VNN1: variants seen among roughly 807,000 people sequenced by gnomAD.
VNN1 encodes the protein pantetheinase.
In VNN1, 29 loss-of-function variants were observed where a neutral mutation model predicts 41.9. The observed-to-expected ratio is 0.69, with a 90% CI of 0.52 to 0.94. The LOEUF (loss-of-function observed/expected upper bound fraction) is 0.94, where lower values mean the gene tolerates loss of function less well. VNN1 is among the 40% of genes least tolerant of loss of function. The pLI, the probability that VNN1 is intolerant of heterozygous loss-of-function variation, is 0.00. For missense variants in VNN1, 637 were observed against 621.1 expected (o/e 1.03, Z -0.27); for synonymous variants, 233 against 224.4 (o/e 1.04, Z -0.34).
intron 6 of VNN1, 103 bp from the exon 7 acceptor site, chr6:132,683,425 GCCAAATTCCATTCTAT>G: frequency 1.6e-6 from 2 of 1,226,298 alleles, no homozygotes; most frequent in Non-Finnish European, 2.3e-6. Flanking sequence ...AAAAATACTG[GCCAAATTCCATTCTAT>G]CAGAAAAATT....
chr6:132,696,983 T>C (rs4897601), intron 2 of VNN1, among the ~76,000 whole-genome samples: 65,615 of 151,712 alleles, frequency 0.43, 15,301 homozygotes, highest in African/African-American at 0.59. Context: ...CAGGTGCCTG[T>C]AGTTCCAGCT....
At position 132,681,564 on chromosome 6, in the gene VNN1, G is replaced by A. The variant is rs1351113106; in HGVS notation, c.*1576C>T. On this transcript the variant is annotated 3_prime_UTR_variant, in exon 7 of 7. Transcript: ENST00000367928. ...AGGGAGACCTACTATAGTTGACAAC[G>A]TTGAGCAAAAAAGAAACACTTAGGA... 6 of 152,152 alleles carry A rather than the reference G, an allele frequency of 3.9e-5. No individual in the cohort carries two copies. The highest frequency in any genetic ancestry group is 1.2e-4 in the African/African-American group (5 of 41,408). 9.4% of individuals were successfully genotyped at this position (152,152 alleles called of 1,614,324 possible).
intron 3 of VNN1, 139 bp downstream of exon 3, chr6:132,693,851 C>A: frequency 6.9e-6 from 7 of 1,012,972 alleles, no homozygotes; most frequent in South Asian, 3.2e-5. Context: ...GAGCTTTCCA[C>A]GCTTTATCAT....
intron 5 of VNN1, 138 bp downstream of exon 5, chr6:132,692,085 A>C (rs924276200): frequency 9.9e-7 from 1 of 1,012,680 alleles, no homozygotes; most frequent in Middle Eastern, 3.4e-4. Context: ...TCAAATAAAC[A>C]ACAAAATTTT....
chr6:132,695,082 G>A (rs1338800430), intron 2 of VNN1, among the ~76,000 whole-genome samples: 6 of 152,170 alleles, frequency 3.9e-5, no homozygotes, highest in Admixed American at 2.0e-4. Context: ...ATCTTGGGAG[G>A]CAGAGGTTGT....
intron 2 of VNN1, among the ~76,000 whole-genome samples, chr6:132,710,333 A>C (rs190312544): frequency 2.2e-4 from 33 of 152,274 alleles, no homozygotes; most frequent in Non-Finnish European, 3.5e-4. Flanking sequence ...TACAGGCATG[A>C]GTCACCACAC....
chr6:132,695,302 G>A (rs1778352904), intron 2 of VNN1, among the ~76,000 whole-genome samples: 5 of 152,118 alleles, frequency 3.3e-5, no homozygotes, highest in Non-Finnish European at 7.3e-5. Context: ...TCTAGTGCTT[G>A]CAACTTCCAG....
intron 5 of VNN1, among the ~76,000 whole-genome samples, chr6:132,686,727 T>G (rs1778214567): frequency 6.6e-6 from 1 of 152,090 alleles, no homozygotes; most frequent in Non-Finnish European, 1.5e-5. Flanking sequence ...ACCAGACATG[T>G]GAGAAAAACT....
rs1368294278 is a variant in VNN1 at position 132,692,208 on chromosome 6, A to T, written c.1188+15T>A. ...TTTATTTTATCCAGTAACTCTTCTG[A>T]CATCAAAATATTACCTGTAGATAAT... On this transcript the variant is annotated intron_variant, in intron 5 of 6. Coordinates refer to ENST00000367928, the MANE Select transcript of VNN1 (RefSeq NM_004666.3). 2.0e-6 allele frequency: 3 copies of T among 1,529,116 alleles called. No individual in the cohort carries two copies. Among genetic ancestry groups the T allele is most frequent in the Non-Finnish European group, 1.8e-6 (2 of 1,141,168 alleles). The allele number at this position is 1,529,116 out of a possible 1,614,324, so 94.7% of individuals were successfully genotyped here.
chr6:132,698,227 G>A (rs1240178746), intron 2 of VNN1, among the ~76,000 whole-genome samples: 1 of 152,186 alleles, frequency 6.6e-6, no homozygotes, highest in Admixed American at 6.5e-5. Flanking sequence ...AGGTGAAAGA[G>A]AATAATTGAA....
Position 132,693,240 on chromosome 6 carries a change from C to G in VNN1, c.610G>C (p.Gly204Arg). Reference sequence around the variant, plus strand: ...AAGCATGTGAAAATGCCAAAACTTCCAAAGGTGGTATTGAAAGTCACAATC... The same window carrying G: ...AAGCATGTGAAAATGCCAAAACTTCGAAAGGTGGTATTGAAAGTCACAATC... ...PEIVTFNTTF[G>R]SFGIFTCFDI... is the part of the protein sequence containing the mutation. Residue 204 changes from glycine (G) to arginine (R), a missense_variant, in exon 4 of 7, where the codon GGA (glycine) becomes CGA (arginine). By Grantham distance (125) the Gly-to-Arg change is moderately radical. Transcript: ENST00000367928. 2.5e-6 allele frequency: 4 copies of G among 1,613,994 alleles called. No homozygotes were observed. Among genetic ancestry groups the G allele is most frequent in the Non-Finnish European group, 2.5e-6 (3 of 1,179,934 alleles).
intron 6 of VNN1, 150 bp downstream of exon 6, chr6:132,684,185 G>T: frequency 2.9e-6 from 2 of 701,166 alleles, no homozygotes; most frequent in Non-Finnish European, 4.5e-6. Context: ...AAGAAATGCA[G>T]CCTGCTCAAT....
chr6:132,707,555 A>T (rs542103146), intron 2 of VNN1, among the ~76,000 whole-genome samples: 2 of 152,256 alleles, frequency 1.3e-5, no homozygotes, highest in Non-Finnish European at 2.9e-5. Context: ...TGGTACATGT[A>T]CACAATAAAG....
At chr6:132,699,773 T>C (rs1227988327) in intron 2 of VNN1, 1 of 152,226 alleles carries the variant, frequency 6.6e-6, no homozygotes, top group East Asian at 1.9e-4. Flanking sequence ...ATAAACAAAA[T>C]GAAGTTGGAA....
chr6:132,698,310 T>C (rs939436891), intron 2 of VNN1, among the ~76,000 whole-genome samples: 2 of 152,238 alleles, frequency 1.3e-5, no homozygotes, highest in South Asian at 2.1e-4. Context: ...ATCGGAAAGA[T>C]ATTTACTAAT....
chr6:132,693,334 A>G lies in VNN1; in HGVS notation c.535-19T>C, dbSNP rs766279124. ...GGTTTTGCTGCAATAAACAGAAGAT[A>G]AAGAGAAAAAAATTATTTTAGGAAG... On this transcript the variant is annotated intron_variant, in intron 3 of 6. Coordinates refer to ENST00000367928, the MANE Select transcript of VNN1 (RefSeq NM_004666.3). 1 of 1,564,106 alleles carries G rather than the reference A, an allele frequency of 6.4e-7. No homozygotes were observed. The highest frequency in any genetic ancestry group is 8.6e-7 in the Non-Finnish European group (1 of 1,158,082).
intron 2 of VNN1, among the ~76,000 whole-genome samples, chr6:132,705,393 A>C (rs1778505434): frequency 6.6e-6 from 1 of 152,230 alleles, no homozygotes; most frequent in Non-Finnish European, 1.5e-5. Flanking sequence ...GATGTGGCAC[A>C]TCATATCAAC....
In VNN1 at chr6:132,694,259, C is replaced by T. The variant is rs369118643; in HGVS notation, c.342-77G>A. The T allele has an allele frequency of 3.6e-5, 49 of 1,344,918 alleles. No individual in the cohort carries two copies. In the East Asian group the frequency reaches 8.8e-4, roughly 24 times the overall value. 83.3% of individuals were successfully genotyped at this position (1,344,918 alleles called of 1,614,324 possible). On this transcript the variant is annotated intron_variant, in intron 2 of 6. Transcript: ENST00000367928. ...TCAACAAAATCCTGAATGATAGTTG[C>T]CTAAACCTATTATTTGATATATGCA...
intron 2 of VNN1, among the ~76,000 whole-genome samples, chr6:132,710,448 G>A (rs45510703): frequency 0.013 from 1,992 of 152,088 alleles, 39 homozygotes; most frequent in African/African-American, 0.044. Flanking sequence ...AGGTATACAC[G>A]TGCCATGGTG....
Sources: gnomAD v4.1 joint callset for allele counts (sites outside exome capture counted in the v4.1 genomes callset) on GRCh38, gnomAD v4.1.1 for gene constraint, MANE v1.5 for transcripts, NCBI Gene and HGNC (gene_info 2026-07-23, HGNC 2026-07-21) for gene names.